Variants in TRAF3IP1 observed in about 807,000 individuals in gnomAD.
The protein encoded by TRAF3IP1 is TRAF3-interacting protein 1.
A neutral mutation model predicts 89.9 loss-of-function variants in TRAF3IP1; 53 were observed. The observed-to-expected ratio is 0.59, with a 90% CI of 0.47 to 0.74. TRAF3IP1 has a LOEUF of 0.74. TRAF3IP1 is among the 30% of genes least tolerant of loss of function. The probability of loss-of-function intolerance (pLI) is 0.00; values close to 1 mark genes in which losing one functional copy is unlikely to be tolerated. For missense variants in TRAF3IP1, 806 were observed against 866.1 expected (o/e 0.93, Z 0.87); for synonymous variants, 311 against 322.1 (o/e 0.97, Z 0.37).
chr2:238,338,520 A>C, intron 8 of TRAF3IP1, 63 bp downstream of exon 8: 793 of 891,332 alleles, frequency 8.9e-4, no homozygotes, highest in Non-Finnish European at 1.2e-3. Context: ...GTTATATCTC[A>C]ATGTAGTTAT....
chr2:238,391,324 C>G (rs186075908), intron 15 of TRAF3IP1, among the ~76,000 whole-genome samples: 225 of 152,280 alleles, frequency 1.5e-3, no homozygotes, highest in South Asian at 2.5e-3. Context: ...GTAATAGATC[C>G]TCAAACTACT....
chr2:238,374,547 A>G lies in TRAF3IP1; in HGVS notation c.1689+18467A>G, dbSNP rs145966753. Reference sequence around the variant, plus strand: ...TTGGTTTGCCAGTATTTTATTGAGGATTTTCACATCAATGTTCATCACGGA... The same window carrying G: ...TTGGTTTGCCAGTATTTTATTGAGGGTTTTCACATCAATGTTCATCACGGA... On this transcript the variant is annotated intron_variant, in intron 15 of 16. Coordinates refer to ENST00000373327, the MANE Select transcript of TRAF3IP1 (RefSeq NM_015650.4). Among the ~76,000 whole-genome samples the G allele has an allele frequency of 1.0e-3, 152 of 152,040 alleles. 2 individuals carry two copies. The highest frequency in any genetic ancestry group is 3.5e-3 in the African/African-American group (143 of 41,440).
At chr2:238,338,089 AGAG>A (rs971771339) in intron 7 of TRAF3IP1, among the ~76,000 whole-genome samples, 15 of 152,040 alleles carry the variant, frequency 9.9e-5, no homozygotes, top group Non-Finnish European at 1.8e-4. Flanking sequence ...AGGAGGAGGA[AGAG>A]GAGGAGGGAG....
Position 238,399,200 on chromosome 2 carries a change from G to C in TRAF3IP1, c.*281G>C. 1 of 299,158 alleles carries C rather than the reference G, an allele frequency of 3.3e-6. No individual in the cohort carries two copies. The highest frequency in any genetic ancestry group is 6.3e-6 in the Non-Finnish European group (1 of 159,476). The allele number at this position is 299,158 out of a possible 1,614,324, so 18.5% of individuals were successfully genotyped here. A position where few individuals can be genotyped will look rare whatever the true frequency, so the allele number is the denominator to read the frequency against. ...TTGAAAGCCTGTTCTTTGTGTTTCT[G>C]CTGTAACCTGTTTAGTTCTGTACCA... On this transcript the variant is annotated 3_prime_UTR_variant, in exon 17 of 17. Coordinates refer to ENST00000373327, the MANE Select transcript of TRAF3IP1 (RefSeq NM_015650.4).
intron 15 of TRAF3IP1, among the ~76,000 whole-genome samples, chr2:238,387,816 C>T (rs1192823759): frequency 6.6e-6 from 1 of 152,228 alleles, no homozygotes; most frequent in Non-Finnish European, 1.5e-5. Context: ...CATGATGGCT[C>T]ATGCCTGTAA....
rs1701372300 is a variant in TRAF3IP1, at chr2:238,399,276, T to C, written c.*357T>C. ...GGGCATACCAAGGGAACAGTAGTCC[T>C]TTATTTTGGTTTAGTGGAAAGACTT... On this transcript the variant is annotated 3_prime_UTR_variant, in exon 17 of 17. Coordinates refer to ENST00000373327, the MANE Select transcript of TRAF3IP1 (RefSeq NM_015650.4). 1 of 162,598 alleles carries C rather than the reference T, an allele frequency of 6.2e-6. No homozygotes were observed. Among genetic ancestry groups the C allele is most frequent in the Admixed American group, 6.1e-5 (1 of 16,514 alleles). 10.1% of individuals were successfully genotyped at this position (162,598 alleles called of 1,614,324 possible). A position where few individuals can be genotyped will look rare whatever the true frequency, so the allele number is the denominator to read the frequency against.
intron 14 of TRAF3IP1, among the ~76,000 whole-genome samples, chr2:238,353,678 C>T (rs1050988393): frequency 6.6e-6 from 1 of 152,144 alleles, no homozygotes; most frequent in Non-Finnish European, 1.5e-5. Flanking sequence ...TAGATCTGTT[C>T]TCACAATATG....
chr2:238,367,725 T>A (rs1325615657), intron 15 of TRAF3IP1, among the ~76,000 whole-genome samples: 1 of 152,034 alleles, frequency 6.6e-6, no homozygotes, highest in Non-Finnish European at 1.5e-5. Flanking sequence ...CTGAGGAAAT[T>A]GAGGCTTAGG....
intron 15 of TRAF3IP1, 70 bp from the exon 16 acceptor site, chr2:238,397,389 A>G: frequency 7.2e-7 from 1 of 1,384,734 alleles, no homozygotes; most frequent in Non-Finnish European, 1.0e-6. Context: ...CCGTGTGCTG[A>G]GTGCACCGGC....
intron 15 of TRAF3IP1, among the ~76,000 whole-genome samples, chr2:238,371,373 CAA>C (rs1700106192): frequency 6.6e-6 from 1 of 151,916 alleles, no homozygotes; most frequent in Admixed American, 6.6e-5. Flanking sequence ...TGAAAAGAAC[CAA>C]AGTCAGATTT....
chr2:238,372,038 A>T lies in TRAF3IP1; in HGVS notation c.1689+15958A>T, dbSNP rs1293201274. 3.3e-5 allele frequency among the ~76,000 whole-genome samples: 5 copies of T among 152,238 alleles called. No homozygotes were observed. In the East Asian group the frequency reaches 9.6e-4, roughly 29 times the overall value. ...TGAAAAAATAGTTTTGTGGAAGAAT[A>T]ACATAATAATAATAGATGGTAGGGT... On this transcript the variant is annotated intron_variant, in intron 15 of 16. Coordinates refer to ENST00000373327, the MANE Select transcript of TRAF3IP1 (RefSeq NM_015650.4).
chr2:238,392,084 A>T (rs1259673037), intron 15 of TRAF3IP1, among the ~76,000 whole-genome samples: 1 of 152,244 alleles, frequency 6.6e-6, no homozygotes, highest in Non-Finnish European at 1.5e-5. Context: ...AAGAAATAAT[A>T]GACGCCCAGG....
At chr2:238,384,139 T>C (rs1700658745) in intron 15 of TRAF3IP1, among the ~76,000 whole-genome samples, 1 of 152,096 alleles carries the variant, frequency 6.6e-6, no homozygotes, top group Non-Finnish European at 1.5e-5. Flanking sequence ...CTCAGCTCTG[T>C]GCCCTGGTCA....
intron 13 of TRAF3IP1, 68 bp downstream of exon 13, chr2:238,353,018 C>A: frequency 6.5e-7 from 1 of 1,543,508 alleles, no homozygotes; most frequent in Non-Finnish European, 8.8e-7. Context: ...AATAGTCTAG[C>A]TTTTAGATTT....
intron 15 of TRAF3IP1, 117 bp from the exon 16 acceptor site, chr2:238,397,342 A>C (rs1442888616): frequency 1.2e-6 from 1 of 817,352 alleles, no homozygotes; most frequent in Non-Finnish European, 2.0e-6. Flanking sequence ...CACAACCAGC[A>C]CTGTCTCTGC....
intron 15 of TRAF3IP1, among the ~76,000 whole-genome samples, chr2:238,392,269 T>C (rs1022497482): frequency 6.6e-6 from 1 of 152,182 alleles, no homozygotes; most frequent in African/African-American, 2.4e-5. Context: ...TTTCCCCCAG[T>C]GATAACATCT....
rs1260043534 is a variant in TRAF3IP1, at chr2:238,351,842, T to G, written c.1452-985T>G. Among the ~76,000 whole-genome samples the G allele has an allele frequency of 9.7e-4, 66 of 68,158 alleles. 2 individuals are homozygous for G. The highest frequency in any genetic ancestry group is 7.2e-3 in the Admixed American group (58 of 8,062). 44.7% of individuals were successfully genotyped at this position (68,158 alleles called of 152,430 possible). On this transcript the variant is annotated intron_variant, in intron 12 of 16. Transcript: ENST00000373327. The surrounding 1 kb of genome is among the most constrained non-coding windows in gnomAD (Gnocchi z 5.2). ...AAGCAAGGGAGGATTTTGGTGTGTG[T>G]GTGTGTGTGTGTGTGTGTGTGTGTG...
chr2:238,347,444 T>C lies in TRAF3IP1; in HGVS notation c.1262-11T>C, dbSNP rs2106390580. On this transcript the variant is annotated splice_polypyrimidine_tract_variant and intron_variant, in intron 9 of 16. Transcript: ENST00000373327. Reference sequence around the variant, plus strand: ...CACGAAAGCTAATTTTCTGATGTGCTTTTTCTTTAGGTGACTCCACCAGTG... The same window carrying C: ...CACGAAAGCTAATTTTCTGATGTGCCTTTTCTTTAGGTGACTCCACCAGTG... 6.2e-7 allele frequency: 1 copy of C among 1,613,926 alleles called. No individual in the cohort carries two copies. Among genetic ancestry groups the C allele is most frequent in the Non-Finnish European group, 8.5e-7 (1 of 1,179,890 alleles).
Position 238,352,867 on chromosome 2 carries a change from TCA to T in TRAF3IP1, c.1497_1498del (p.His499GlnfsTer3). 1 of 1,613,576 alleles carries T rather than the reference TCA, an allele frequency of 6.2e-7. No individual in the cohort carries two copies. The highest frequency in any genetic ancestry group is 1.1e-5 in the South Asian group (1 of 90,916). On this transcript the variant is annotated frameshift_variant, in exon 13 of 17. Coordinates refer to ENST00000373327, the MANE Select transcript of TRAF3IP1 (RefSeq NM_015650.4). LOFTEE classifies it high-confidence loss of function. Reference protein sequence around the residue: ...GKTVSNVITESHNSDNEEDDQ... With the variant: ...GKTVSNVITEXHNSDNEEDDQ... Reference sequence around the variant, plus strand: ...AACCGTTTCAAATGTGATTACAGAGTCACACAATTCTGACAATGAAGAGGATG... The same window carrying T: ...AACCGTTTCAAATGTGATTACAGAGTCACAATTCTGACAATGAAGAGGATG...
Sources: allele counts gnomAD v4.1 joint callset (sites outside exome capture counted in the v4.1 genomes callset), GRCh38; gene constraint gnomAD v4.1.1; non-coding constraint Gnocchi (gnomAD v3.1); transcripts MANE v1.5; gene names NCBI Gene and HGNC (gene_info 2026-07-23, HGNC 2026-07-21).